The following WDFY2 variants were observed in gnomAD, a reference collection of about 807,000 sequenced individuals.
WDFY2 encodes the protein WD repeat and FYVE domain-containing protein 2.
In WDFY2, 36 loss-of-function variants were observed where a neutral mutation model predicts 56.4. That is an observed-to-expected ratio of 0.64 (90% CI 0.49 to 0.84). WDFY2 has a LOEUF of 0.84. WDFY2 is among the 40% of genes least tolerant of loss of function. The probability of loss-of-function intolerance (pLI) is 0.00; values close to 1 mark genes in which losing one functional copy is unlikely to be tolerated. For synonymous variants in WDFY2, 176 were observed against 183.7 expected (o/e 0.96, Z 0.34); for missense variants, 444 against 512.2 (o/e 0.87, Z 1.29).
At position 51,685,060 on chromosome 13, in the gene WDFY2, C is replaced by T. The variant is rs948781864; in HGVS notation, c.279+9817C>T. 2.6e-5 allele frequency among the ~76,000 whole-genome samples: 4 copies of T among 152,278 alleles called. No homozygotes were observed. In the South Asian group the frequency reaches 8.3e-4, roughly 32 times the overall value. The stretch of plus-strand genomic sequence containing the variant: ...AACTTTTTGATTCAGATATCCATGG[C>T]TGTGTACATGCAGTCCTTTGCCAAA... On this transcript the variant is annotated intron_variant, in intron 3 of 11. Coordinates refer to ENST00000298125, the MANE Select transcript of WDFY2 (RefSeq NM_052950.4).
At chr13:51,655,801 G>T (rs1221629818) in intron 1 of WDFY2, among the ~76,000 whole-genome samples, 3 of 152,010 alleles carry the variant, frequency 2.0e-5, no homozygotes, top group African/African-American at 7.2e-5. Context: ...ACTTTTCTTT[G>T]TTGAGAAGTT....
intron 6 of WDFY2, among the ~76,000 whole-genome samples, chr13:51,732,030 T>C (rs1385285097): frequency 6.6e-6 from 1 of 152,232 alleles, no homozygotes; most frequent in African/African-American, 2.4e-5. Flanking sequence ...CTGGTTTTCT[T>C]TCTGGAGCTA....
chr13:51,588,849 T>C (rs1420609786), intron 1 of WDFY2: 1 of 152,140 alleles, frequency 6.6e-6, no homozygotes, highest in Non-Finnish European at 1.5e-5. Context: ...AACCCTTTGG[T>C]TGAAAGATTT....
chr13:51,636,795 A>G (rs2138393047), intron 1 of WDFY2, among the ~76,000 whole-genome samples: 1 of 152,328 alleles, frequency 6.6e-6, no homozygotes, highest in Non-Finnish European at 1.5e-5. Context: ...CCACGTTTAT[A>G]TGGTCACTTT....
chr13:51,762,268 G>A lies in WDFY2; in HGVS notation c.*2499G>A, dbSNP rs1490128085. The A allele has an allele frequency of 2.0e-5, 3 of 152,184 alleles. No individual in the cohort carries two copies. The highest frequency in any genetic ancestry group is 2.9e-5 in the Non-Finnish European group (2 of 68,090). The allele number at this position is 152,184 out of a possible 1,614,324, so 9.4% of individuals were successfully genotyped here. A position where few individuals can be genotyped will look rare whatever the true frequency, so the allele number is the denominator to read the frequency against. The stretch of plus-strand genomic sequence containing the variant: ...GTCTAGATGCGTTCAGACCTCATTC[G>A]GGAAGCAGAGTGTCCCCGTCAGATC... On this transcript the variant is annotated 3_prime_UTR_variant, in exon 12 of 12. Transcript: ENST00000298125.
chr13:51,725,941 C>G (rs1457770417), intron 5 of WDFY2, among the ~76,000 whole-genome samples: 1 of 152,172 alleles, frequency 6.6e-6, no homozygotes. Context: ...TCCCAAAGTG[C>G]TGGGATTACA....
At chr13:51,668,276 A>G (rs1955748484) in intron 2 of WDFY2, among the ~76,000 whole-genome samples, 1 of 152,292 alleles carries the variant, frequency 6.6e-6, no homozygotes, top group Non-Finnish European at 1.5e-5. Flanking sequence ...TTTATTTAGC[A>G]TACTCTTCTT....
intron 2 of WDFY2, among the ~76,000 whole-genome samples, chr13:51,674,716 T>C (rs927676922): frequency 6.6e-6 from 1 of 152,162 alleles, no homozygotes; most frequent in East Asian, 1.9e-4. Flanking sequence ...TAGACTCCTG[T>C]GTGTATGTGT....
intron 1 of WDFY2, among the ~76,000 whole-genome samples, chr13:51,619,440 A>C (rs903842975): frequency 9.9e-5 from 15 of 152,126 alleles, no homozygotes; most frequent in Admixed American, 3.3e-4. Context: ...CTCCAAAAAA[A>C]AAAAAACAAA....
At chr13:51,683,957 A>G (rs902045758) in intron 3 of WDFY2, among the ~76,000 whole-genome samples, 26 of 152,004 alleles carry the variant, frequency 1.7e-4, no homozygotes, top group Admixed American at 1.6e-3. Flanking sequence ...CTGTTTATTT[A>G]CTGATCCTCC....
At chr13:51,611,619 C>T (rs750259938) in intron 1 of WDFY2, among the ~76,000 whole-genome samples, 3 of 152,074 alleles carry the variant, frequency 2.0e-5, no homozygotes, top group East Asian at 1.9e-4. Flanking sequence ...TCTTGCTGGT[C>T]GAACCTCAAT....
At chr13:51,585,283 C>A (rs1443066827) in intron 1 of WDFY2, among the ~76,000 whole-genome samples, 1 of 152,238 alleles carries the variant, frequency 6.6e-6, no homozygotes, top group African/African-American at 2.4e-5. Context: ...ACTCCTTCTT[C>A]CCAGACATTC....
chr13:51,699,288 C>G (rs1229783067), intron 3 of WDFY2, among the ~76,000 whole-genome samples: 1 of 152,198 alleles, frequency 6.6e-6, no homozygotes, highest in South Asian at 2.1e-4. Flanking sequence ...CCCTCTCCAT[C>G]CCTTCCTTCA....
At chr13:51,632,591 T>A (rs1249577658) in intron 1 of WDFY2, among the ~76,000 whole-genome samples, 1 of 152,228 alleles carries the variant, frequency 6.6e-6, no homozygotes, top group Admixed American at 6.5e-5. Context: ...TTCTTTAGGC[T>A]ACCCATTTTG....
intron 7 of WDFY2, among the ~76,000 whole-genome samples, chr13:51,740,116 C>T (rs181279563): frequency 2.0e-5 from 3 of 152,204 alleles, no homozygotes; most frequent in Non-Finnish European, 4.4e-5. Flanking sequence ...TCAAAATATT[C>T]TCCTAAATAG....
intron 10 of WDFY2, 169 bp downstream of exon 10, chr13:51,756,631 T>A (rs1487613328): frequency 5.1e-6 from 5 of 985,290 alleles, no homozygotes; most frequent in Middle Eastern, 5.2e-4. Context: ...ATTTGTGGTA[T>A]CCTGTGAGAT....
At chr13:51,671,118 G>C (rs779792446) in intron 2 of WDFY2, among the ~76,000 whole-genome samples, 2 of 152,104 alleles carry the variant, frequency 1.3e-5, no homozygotes, top group Admixed American at 6.5e-5. Flanking sequence ...TTGTTGATTG[G>C]TGGGCATTTG....
chr13:51,645,039 A>T (rs1955238977), intron 1 of WDFY2, among the ~76,000 whole-genome samples: 1 of 152,216 alleles, frequency 6.6e-6, no homozygotes, highest in African/African-American at 2.4e-5. Context: ...ATTACAAGTA[A>T]TTAAAGAAAT....
intron 3 of WDFY2, among the ~76,000 whole-genome samples, chr13:51,695,808 C>A (rs997480461): frequency 6.6e-6 from 1 of 152,250 alleles, no homozygotes; most frequent in African/African-American, 2.4e-5. Flanking sequence ...AGGCAGGCCT[C>A]CTTGAGCTGT....
Sources: gnomAD v4.1 joint callset for allele counts (sites outside exome capture counted in the v4.1 genomes callset) on GRCh38, gnomAD v4.1.1 for gene constraint, MANE v1.5 for transcripts, NCBI Gene and HGNC (gene_info 2026-07-23, HGNC 2026-07-21) for gene names.